Variants in PCNT observed in about 807,000 individuals in gnomAD.
PCNT encodes the protein pericentrin, also known as kendrin.
In PCNT, 319 loss-of-function variants were observed where a neutral mutation model predicts 380.4. The observed-to-expected ratio is 0.84, with a 90% CI of 0.77 to 0.92. The LOEUF (loss-of-function observed/expected upper bound fraction) is 0.92, where lower values mean the gene tolerates loss of function less well. Among genes scored for constraint, PCNT ranks in the 40% least tolerant of loss-of-function variants. The pLI is 0.00. For missense variants in PCNT, 4,400 were observed against 4,255.3 expected (o/e 1.03, Z -0.95); for synonymous variants, 1,845 against 1,735.2 (o/e 1.06, Z -1.57).
intron 25 of PCNT, 122 bp from the exon 26 acceptor site, chr21:46,401,419 AGTGCAGGGGC>A (rs2086423109): frequency 1.3e-6 from 1 of 744,468 alleles, no homozygotes; most frequent in Admixed American, 2.1e-5. Context: ...TGTGTCACTG[AGTGCAGGGGC>A]GTGCAGGTCC....
At chr21:46,349,935 A>C in intron 8 of PCNT, 115 bp downstream of exon 8, 1 of 1,049,016 alleles carries the variant, frequency 9.5e-7, no homozygotes, top group South Asian at 1.3e-5. Flanking sequence ...CTAAATTTAA[A>C]GAGACTGGCT....
At chr21:46,379,299 G>T (rs1601893547) in intron 15 of PCNT, among the ~76,000 whole-genome samples, 1 of 151,940 alleles carries the variant, frequency 6.6e-6, no homozygotes, top group Admixed American at 6.6e-5. Context: ...GTCTTCCCGG[G>T]CCGCGTGTCG....
intron 2 of PCNT, among the ~76,000 whole-genome samples, chr21:46,329,734 G>T (rs1384804570): frequency 6.6e-6 from 1 of 152,200 alleles, no homozygotes; most frequent in Non-Finnish European, 1.5e-5. Flanking sequence ...TGGCAAGATG[G>T]CCAAGGTAAA....
chr21:46,389,137 T>G, intron 18 of PCNT, 62 bp from the exon 19 acceptor site: 1 of 1,522,812 alleles, frequency 6.6e-7, no homozygotes, highest in Non-Finnish European at 9.1e-7. Context: ...TCGTCTTGGC[T>G]GCCATGGCCG....
At chr21:46,341,572 G>C (rs1056109550) in intron 3 of PCNT, among the ~76,000 whole-genome samples, 3 of 151,878 alleles carry the variant, frequency 2.0e-5, no homozygotes, top group African/African-American at 7.3e-5. Flanking sequence ...TCACTATATT[G>C]ACCAGGGTAG....
Position 46,445,426 on chromosome 21 carries a change from T to C in PCNT, c.*99T>C, listed in dbSNP as rs920507469. ...GCTCGTGGGACAGCATGGGCACTAC[T>C]CTTCATGTGCGGTGACACCAGCCCC... On this transcript the variant is annotated 3_prime_UTR_variant, in exon 47 of 47. Coordinates refer to ENST00000359568, the MANE Select transcript of PCNT (RefSeq NM_006031.6). 3.2e-6 allele frequency: 3 copies of C among 923,470 alleles called. No homozygotes were observed. Among genetic ancestry groups the C allele is most frequent in the East Asian group, 4.8e-5 (2 of 41,806 alleles). The allele number at this position is 923,470 out of a possible 1,614,324, so 57.2% of individuals were successfully genotyped here.
intron 38 of PCNT, among the ~76,000 whole-genome samples, chr21:46,434,309 G>A (rs1407526529): frequency 6.6e-6 from 1 of 152,222 alleles, no homozygotes; most frequent in Non-Finnish European, 1.5e-5. Context: ...TGTCAGGAGG[G>A]TAGAGTCTGA....
At chr21:46,442,122 G>A (rs2053621973) in intron 43 of PCNT, among the ~76,000 whole-genome samples, 1 of 152,162 alleles carries the variant, frequency 6.6e-6, no homozygotes, top group African/African-American at 2.4e-5. Flanking sequence ...AAGATGGGAG[G>A]GTCCTGCACA....
chr21:46,416,897 C>T (rs1159562152), intron 30 of PCNT, 58 bp downstream of exon 30: 12 of 1,540,362 alleles, frequency 7.8e-6, no homozygotes, highest in South Asian at 3.5e-5. Context: ...GTCTGCCCGG[C>T]GCCACGGCAG....
rs751798098 is a variant in PCNT at position 46,430,571 on chromosome 21, G to A, written c.7978G>A (p.Gly2660Arg). The change falls in exon 37 of 47, where the codon GGG becomes AGG. Residue 2660 changes from glycine to arginine, a missense_variant. Coordinates refer to ENST00000359568, the MANE Select transcript of PCNT (RefSeq NM_006031.6). ...GCTTCAGGAGCTGGAGAGTGAGCAG[G>A]GGAAGGGGCGTGCCCTGCAGAGCCA... ...AALQELESEQ[G>R]KGRALQSQLE... The A allele has an allele frequency of 2.6e-6, 4 of 1,560,862 alleles. No homozygotes were observed. Among genetic ancestry groups the A allele is most frequent in the Admixed American group, 3.8e-5 (2 of 52,278 alleles).
chr21:46,437,955 G>T (rs1415370523), intron 40 of PCNT, among the ~76,000 whole-genome samples: 2 of 152,224 alleles, frequency 1.3e-5, no homozygotes. Flanking sequence ...GCTATGCTTT[G>T]TGACAGGCCT....
chr21:46,432,100 A>C lies in PCNT; in HGVS notation c.8636A>C (p.His2879Pro). 6 of 1,614,124 alleles carry C rather than the reference A, an allele frequency of 3.7e-6. No homozygotes were observed. Among genetic ancestry groups the C allele is most frequent in the Non-Finnish European group, 5.1e-6 (6 of 1,180,038 alleles). Residue 2879 changes from histidine (H) to proline (P), a missense_variant, in exon 38 of 47, where the codon CAC becomes CCC. By Grantham distance (77) the His-to-Pro change is moderately conservative. Coordinates refer to ENST00000359568, the MANE Select transcript of PCNT (RefSeq NM_006031.6). The stretch of plus-strand genomic sequence containing the variant: ...TTGCAGGCAGAATTAGAGCAGTCAC[A>C]CCCACGGTTGAAAGAGCAAGAAGGA... ...AWLQAELEQSHPRLKEQEGRK... is the reference protein window; with the variant it reads ...AWLQAELEQSPPRLKEQEGRK...
At chr21:46,348,262 T>A (rs1260147214) in intron 6 of PCNT, 1 of 163,880 alleles carries the variant, frequency 6.1e-6, no homozygotes, top group East Asian at 1.9e-4. Context: ...GATTAGGCCT[T>A]GCGTGCAGAG....
At chr21:46,345,367 G>A (rs550715539) in intron 3 of PCNT, among the ~76,000 whole-genome samples, 78 of 152,034 alleles carry the variant, frequency 5.1e-4, no homozygotes, top group South Asian at 4.6e-3. Flanking sequence ...ACAGGTGCCC[G>A]CCACCACGCC....
chr21:46,371,717 G>A (rs1249719889), intron 15 of PCNT, among the ~76,000 whole-genome samples: 1 of 152,178 alleles, frequency 6.6e-6, no homozygotes, highest in Non-Finnish European at 1.5e-5. Context: ...CCCCACTTGT[G>A]GACCCGTGCA....
intron 2 of PCNT, among the ~76,000 whole-genome samples, chr21:46,331,108 C>T (rs2083546187): frequency 6.6e-6 from 1 of 152,084 alleles, no homozygotes; most frequent in South Asian, 2.1e-4. Flanking sequence ...TAATAAATTG[C>T]TTACTTTGAT....
chr21:46,352,947 G>A (rs1305044280), intron 9 of PCNT, among the ~76,000 whole-genome samples, 157 bp from the exon 10 acceptor site: 1 of 152,212 alleles, frequency 6.6e-6, no homozygotes, highest in African/African-American at 2.4e-5. Flanking sequence ...GGGCGTACGA[G>A]AGTCTAAGCC....
intron 13 of PCNT, 126 bp from the exon 14 acceptor site, chr21:46,363,354 G>A (rs563357969): frequency 1.4e-6 from 1 of 740,250 alleles, no homozygotes. Flanking sequence ...TCCTGTTGCT[G>A]TGTGCAGCGT....
chr21:46,407,268 G>A (rs1433203584), intron 27 of PCNT, among the ~76,000 whole-genome samples: 2 of 146,804 alleles, frequency 1.4e-5, no homozygotes, highest in Non-Finnish European at 3.0e-5. Flanking sequence ...GTGATAAGTT[G>A]TATTTTTCAA....
Sources: gnomAD v4.1 joint callset for allele counts (sites outside exome capture counted in the v4.1 genomes callset) on GRCh38, gnomAD v4.1.1 for gene constraint, MANE v1.5 for transcripts, NCBI Gene and HGNC (gene_info 2026-07-23, HGNC 2026-07-21) for gene names.